The following MIA2 variants were observed in gnomAD, a reference collection of about 807,000 sequenced individuals.
MIA2 encodes MIA SH3 domain ER export factor 2.
MIA2 carries 127 observed loss-of-function variants against 167.8 expected under a neutral mutation model. The observed-to-expected ratio is 0.76, with a 90% CI of 0.66 to 0.88. MIA2 has a LOEUF of 0.88. Ranked by LOEUF, MIA2 falls within the 40% of genes least tolerant of loss-of-function variation. The pLI is 0.00. For synonymous variants in MIA2, 552 were observed against 541.9 expected (o/e 1.02, Z -0.26); for missense variants, 1,690 against 1,624.7 (o/e 1.04, Z -0.69).
intron 23 of MIA2, among the ~76,000 whole-genome samples, chr14:39,384,988 A>G (rs1352519559): frequency 6.6e-6 from 1 of 152,268 alleles, no homozygotes; most frequent in Non-Finnish European, 1.5e-5. Context: ...AACAACTCAA[A>G]TGCTAAAAAA....
At chr14:39,381,013 TAAAAAAAACAAAAAA>T (rs1391319652) in intron 23 of MIA2, among the ~76,000 whole-genome samples, 2 of 94,542 alleles carry the variant, frequency 2.1e-5, no homozygotes, top group Admixed American at 1.1e-4. Context: ...ACTATTTTAG[TAAAAAAAACAAAAAA>T]AAAAAAAACA....
intron 10 of MIA2, among the ~76,000 whole-genome samples, chr14:39,292,222 G>T (rs1376194363): frequency 6.6e-6 from 1 of 152,106 alleles, no homozygotes; most frequent in East Asian, 1.9e-4. Flanking sequence ...GAAGGCATTT[G>T]ACATGCTAAC....
downstream of MIA2, among the ~76,000 whole-genome samples, chr14:39,355,765 G>T (rs1416137308): frequency 1.5e-4 from 23 of 152,254 alleles, no homozygotes; most frequent in Middle Eastern, 3.4e-3. Context: ...GGCATGAAGG[G>T]CTGTTGAATT....
At chr14:39,300,993 C>T (rs113823481) in intron 14 of MIA2, among the ~76,000 whole-genome samples, 4 of 144,592 alleles carry the variant, frequency 2.8e-5, no homozygotes, top group African/African-American at 5.4e-5. Context: ...CATATATACA[C>T]ATATATACAT....
At chr14:39,377,825 TCTTAAAAGC>T (rs1242225411) in intron 23 of MIA2, among the ~76,000 whole-genome samples, 1 of 152,190 alleles carries the variant, frequency 6.6e-6, no homozygotes, top group Non-Finnish European at 1.5e-5. Flanking sequence ...ATTTAGACTT[TCTTAAAAGC>T]CTTGAGCCCA....
downstream of MIA2, among the ~76,000 whole-genome samples, chr14:39,355,804 A>G (rs1454519675): frequency 6.6e-6 from 1 of 152,158 alleles, no homozygotes; most frequent in Non-Finnish European, 1.5e-5. Flanking sequence ...GCATCTATTG[A>G]GATAATCATG....
chr14:39,313,479 G>T (rs754798101), intron 19 of MIA2, 38 bp downstream of exon 19: 1 of 1,189,492 alleles, frequency 8.4e-7, no homozygotes. Flanking sequence ...TTTTGGAATG[G>T]GAAGAGTATC....
At chr14:39,286,007 G>T (rs2059721499) in intron 9 of MIA2, among the ~76,000 whole-genome samples, 1 of 152,166 alleles carries the variant, frequency 6.6e-6, no homozygotes, top group African/African-American at 2.4e-5. Context: ...ACGATGGGCG[G>T]CCAGGCAGAG....
intron 23 of MIA2, among the ~76,000 whole-genome samples, chr14:39,365,446 T>C (rs2074799446): frequency 1.3e-5 from 2 of 152,260 alleles, no homozygotes; most frequent in African/African-American, 2.4e-5. Context: ...TATGGTGCTC[T>C]GTACATCACA....
chr14:39,308,682 C>A, intron 18 of MIA2, 95 bp downstream of exon 18: 1 of 1,000,682 alleles, frequency 1.0e-6, no homozygotes, highest in Non-Finnish European at 1.4e-6. Context: ...TGAAAGTTCT[C>A]AATTTATGAT....
chr14:39,347,752 A>T lies in MIA2; in HGVS notation c.3818A>T (p.Asp1273Val), dbSNP rs765136029. The T allele has an allele frequency of 1.9e-6, 3 of 1,610,858 alleles. No homozygotes were observed. The highest frequency in any genetic ancestry group is 1.1e-5 in the South Asian group (1 of 90,980). Reference protein sequence around the residue: ...MPSEMESSRNDTKDDLGNLNV... With the variant: ...MPSEMESSRNVTKDDLGNLNV... ...TCAGAAATGGAATCCAGTAGAAATGATACCAAAGATGATCTTGGTGTAAGT... is the reference window on the plus strand; with the variant it reads ...TCAGAAATGGAATCCAGTAGAAATGTTACCAAAGATGATCTTGGTGTAAGT... The change falls in exon 27 of 29, where the codon GAT becomes GTT. Residue 1273 changes from aspartate (D) to valine (V), a missense_variant. Coordinates refer to ENST00000640607, the MANE Select transcript of MIA2 (RefSeq NM_001329214.4).
intron 10 of MIA2, among the ~76,000 whole-genome samples, chr14:39,291,684 C>T (rs1175281998): frequency 1.3e-5 from 2 of 152,070 alleles, no homozygotes; most frequent in Non-Finnish European, 2.9e-5. Flanking sequence ...CAGTTTCAAG[C>T]TACCAACATG....
chr14:39,300,655 C>T lies in MIA2; in HGVS notation c.2619+669C>T, dbSNP rs974551270. On this transcript the variant is annotated intron_variant, in intron 14 of 28. Coordinates refer to ENST00000640607, the MANE Select transcript of MIA2 (RefSeq NM_001329214.4). ...ACACAGGAAGAGGAACATCACACAC[C>T]GGGACCTGTTGTGGGGTGGGGGGAG... Among the ~76,000 whole-genome samples the T allele has an allele frequency of 8.1e-5, 9 of 111,438 alleles. 1 individual carries two copies. Among genetic ancestry groups the T allele is most frequent in the African/African-American group, 1.9e-4 (5 of 26,832 alleles). The allele number at this position is 111,438 out of a possible 152,430, so 73.1% of individuals were successfully genotyped here.
chr14:39,365,923 T>A (rs1484057489), intron 23 of MIA2, among the ~76,000 whole-genome samples: 1 of 152,230 alleles, frequency 6.6e-6, no homozygotes, highest in Non-Finnish European at 1.5e-5. Context: ...ACATTGATAT[T>A]TGTATGTCTG....
chr14:39,303,742 T>C (rs1050720543), intron 16 of MIA2, among the ~76,000 whole-genome samples: 5 of 152,122 alleles, frequency 3.3e-5, no homozygotes, highest in African/African-American at 1.2e-4. Context: ...AATTCCAAGT[T>C]CTGTACTCAT....
chr14:39,342,651 A>G lies in MIA2; in HGVS notation c.3656-3253A>G, dbSNP rs375688662. ...AGCACAATCCTGGATATCACCCTTG[A>G]GAATTTACATATTAATATTTGCTTC... On this transcript the variant is annotated intron_variant, in intron 25 of 28. Transcript: ENST00000640607. Among the ~76,000 whole-genome samples the G allele has an allele frequency of 1.8e-4, 28 of 152,334 alleles. No homozygotes were observed. The East Asian group carries it at 4.6e-3, about 25-fold the overall frequency.
Position 39,298,541 on chromosome 14 carries a change from T to G in MIA2, c.2497-1323T>G, listed in dbSNP as rs1376752248. Among the ~76,000 whole-genome samples, 10 of 133,538 alleles carry G rather than the reference T, an allele frequency of 7.5e-5. 1 individual carries two copies. The highest frequency in any genetic ancestry group is 2.7e-4 in the African/African-American group (10 of 36,756). The allele number at this position is 133,538 out of a possible 152,430, so 87.6% of individuals were successfully genotyped here. ...TTTGGTAGAACAGAGTTTTTTTTTT[T>G]TTTTTTTTTTTTTGTGAGCAACATG... On this transcript the variant is annotated intron_variant, in intron 13 of 28. Coordinates refer to ENST00000640607, the MANE Select transcript of MIA2 (RefSeq NM_001329214.4).
intron 23 of MIA2, among the ~76,000 whole-genome samples, chr14:39,368,496 C>T (rs944332050): frequency 9.9e-5 from 15 of 152,124 alleles, no homozygotes; most frequent in African/African-American, 3.4e-4. Flanking sequence ...AGCTGTACTC[C>T]TCATAGCAGG....
chr14:39,247,817 C>A lies in MIA2; in HGVS notation c.1243C>A (p.Leu415Ile), dbSNP rs2054379909. ...TGGGGCAGATGAACATGAACATCCT[C>A]TAACAAGTGAATTAGACCCTGAAAA... ...DGGADEHEHP[L>I]TSELDPEKEQ... Residue 415 changes from leucine to isoleucine, a missense_variant, in exon 4 of 29, where the codon CTA (leucine) becomes ATA (isoleucine). Leu to Ile is a conservative substitution (Grantham distance 5). Transcript: ENST00000640607. The A allele has an allele frequency of 6.2e-7, 1 of 1,606,282 alleles. No individual in the cohort carries two copies. The highest frequency in any genetic ancestry group is 8.5e-7 in the Non-Finnish European group (1 of 1,178,200).
Sources: gnomAD v4.1 joint callset for allele counts (sites outside exome capture counted in the v4.1 genomes callset) on GRCh38, gnomAD v4.1.1 for gene constraint, MANE v1.5 for transcripts, NCBI Gene and HGNC (gene_info 2026-07-23, HGNC 2026-07-21) for gene names.